NECTIN2: variants seen among roughly 807,000 people sequenced by gnomAD.
NECTIN2 encodes nectin-2.
NECTIN2 carries 23 observed loss-of-function variants against 56.9 expected under a neutral mutation model. The ratio of observed to expected loss-of-function variants is 0.40; its 90% CI spans 0.29 to 0.57. The LOEUF (loss-of-function observed/expected upper bound fraction) is 0.57, where lower values mean the gene tolerates loss of function less well. Among genes scored for constraint, NECTIN2 ranks in the 20% least tolerant of loss-of-function variants. The probability of loss-of-function intolerance (pLI) is 0.38; values close to 1 mark genes in which losing one functional copy is unlikely to be tolerated. For synonymous variants in NECTIN2, 302 were observed against 313.8 expected, an observed-to-expected ratio of 0.96 and a Z score of 0.40; for missense variants, 587 against 718.3, an observed-to-expected ratio of 0.82 and a Z score of 2.09.
At chr19:44,858,367 G>A (rs1210519344) in intron 1 of NECTIN2, among the ~76,000 whole-genome samples, 1 of 152,002 alleles carries the variant, frequency 6.6e-6, no homozygotes, top group African/African-American at 2.4e-5. Flanking sequence ...TTTAAGGTAG[G>A]CAGGGCCTCA....
Position 44,885,979 on chromosome 19 carries a change from G to T in NECTIN2, c.1239G>T (p.Ala413=). The T allele has an allele frequency of 1.9e-6, 3 of 1,603,960 alleles. No homozygotes were observed. Among genetic ancestry groups the T allele is most frequent in the Non-Finnish European group, 2.6e-6 (3 of 1,170,804 alleles). ...PPSYKPPTPK[A]KLEAQEMPSQ... ...CCTACAAGCCACCGACCCCAAAAGC[G>T]AAGCTGGAGGCACAGGAGATGGTGA... Residue 413 remains alanine, a synonymous_variant, in exon 7 of 9, where the codon GCG becomes GCT. Transcript: ENST00000252483.
chr19:44,851,456 G>A (rs1430673985), intron 1 of NECTIN2, among the ~76,000 whole-genome samples: 1 of 152,054 alleles, frequency 6.6e-6, no homozygotes, highest in Non-Finnish European at 1.5e-5. Flanking sequence ...AGGAGTCCAA[G>A]CCCCCAACCT....
chr19:44,879,853 C>G (rs1969288372), intron 5 of NECTIN2, among the ~76,000 whole-genome samples: 1 of 152,208 alleles, frequency 6.6e-6, no homozygotes, highest in African/African-American at 2.4e-5. Flanking sequence ...AGCCCTGTGC[C>G]AGGCAGTGCT....
intron 2 of NECTIN2, among the ~76,000 whole-genome samples, chr19:44,868,981 G>A (rs939776946): frequency 3.3e-5 from 5 of 151,554 alleles, no homozygotes; most frequent in African/African-American, 9.7e-5. Context: ...CAGAAGCCAC[G>A]TCACTCTGGA....
intron 1 of NECTIN2, among the ~76,000 whole-genome samples, chr19:44,858,399 G>A (rs899085256): frequency 6.6e-5 from 10 of 152,108 alleles, no homozygotes; most frequent in African/African-American, 2.4e-4. Context: ...ATGTTGGAGT[G>A]CAGTGGCGAG....
chr19:44,871,384 C>T (rs934959426), intron 2 of NECTIN2, among the ~76,000 whole-genome samples: 3 of 152,118 alleles, frequency 2.0e-5, no homozygotes, highest in South Asian at 4.1e-4. Flanking sequence ...AAAAATTAGC[C>T]GGGCATGGTG....
At chr19:44,861,372 C>T (rs533022843) in intron 1 of NECTIN2, among the ~76,000 whole-genome samples, 2 of 152,282 alleles carry the variant, frequency 1.3e-5, no homozygotes, top group African/African-American at 4.8e-5. Flanking sequence ...CTATCCACAA[C>T]AGCAAAGATA....
Position 44,846,584 on chromosome 19 carries a change from CGCT to C in NECTIN2, c.75_77del (p.Leu27del), listed in dbSNP as rs551542896. 1.6e-4 allele frequency: 245 copies of C among 1,520,232 alleles called. 1 individual carries two copies. The East Asian group carries it at 3.0e-3, about 19-fold the overall frequency. 94.2% of individuals were successfully genotyped at this position (1,520,232 alleles called of 1,614,324 possible). ...TCGCCGCCGACGCCGCTGCTGTGGCCGCTGCTGCTGCTGCTGCTCCTGGAAACC... is the reference window on the plus strand; with the variant it reads ...TCGCCGCCGACGCCGCTGCTGTGGCCGCTGCTGCTGCTGCTCCTGGAAACC... On this transcript the variant is annotated inframe_deletion, in exon 1 of 9. Coordinates refer to ENST00000252483, the MANE Select transcript of NECTIN2 (RefSeq NM_001042724.2).
intron 1 of NECTIN2, among the ~76,000 whole-genome samples, chr19:44,864,615 T>C (rs1238913483): frequency 2.0e-5 from 3 of 152,032 alleles, no homozygotes; most frequent in Non-Finnish European, 4.4e-5. Flanking sequence ...GGTCAGGAGA[T>C]TGAGACCATC....
chr19:44,884,028 G>A (rs1969334746), intron 6 of NECTIN2, among the ~76,000 whole-genome samples: 1 of 151,940 alleles, frequency 6.6e-6, no homozygotes, highest in South Asian at 2.1e-4. Context: ...GCTGAGGTGG[G>A]GGTGGGGGCA....
Position 44,873,942 on chromosome 19 carries a change from TATG to T in NECTIN2, c.807_809del (p.Asp270del), listed in dbSNP as rs752206033. ...CCCTCCTGAAGTGTCCATCTCCGGC[TATG>T]ATGACAACTGGTACCTCGGCCGTAC... On this transcript the variant is annotated inframe_deletion, in exon 4 of 9. Coordinates refer to ENST00000252483, the MANE Select transcript of NECTIN2 (RefSeq NM_001042724.2). 2.5e-6 allele frequency: 4 copies of T among 1,614,042 alleles called. No individual in the cohort carries two copies. Among genetic ancestry groups the T allele is most frequent in the Non-Finnish European group, 3.4e-6 (4 of 1,179,930 alleles).
chr19:44,885,971 CCAAAAG>C lies in NECTIN2; in HGVS notation c.1233_1238del (p.Ala413_Lys414del). ...ACCTCCCTCCTACAAGCCACCGACC[CCAAAAG>C]CGAAGCTGGAGGCACAGGAGATGGT... is the stretch of plus-strand genomic sequence containing the variant. On this transcript the variant is annotated inframe_deletion, in exon 7 of 9. Transcript: ENST00000252483. The C allele has an allele frequency of 6.2e-7, 1 of 1,604,348 alleles. No individual in the cohort carries two copies. Among genetic ancestry groups the C allele is most frequent in the Non-Finnish European group, 8.5e-7 (1 of 1,171,160 alleles).
chr19:44,878,286 T>C, intron 5 of NECTIN2: 1 of 1,298,066 alleles, frequency 7.7e-7, no homozygotes, highest in Non-Finnish European at 1.1e-6. Context: ...GGGGGGACAC[T>C]GCTGGTGCTG....
chr19:44,852,781 G>A (rs1968916245), intron 1 of NECTIN2, among the ~76,000 whole-genome samples: 1 of 152,064 alleles, frequency 6.6e-6, no homozygotes, highest in African/African-American at 2.4e-5. Context: ...TGCTTATGAG[G>A]TGAGAGAGAA....
At chr19:44,886,081 T>A in intron 7 of NECTIN2, 52 bp from the exon 8 acceptor site, 1 of 1,573,072 alleles carries the variant, frequency 6.4e-7, no homozygotes, top group Non-Finnish European at 8.7e-7. Context: ...AGGGAGAAGC[T>A]GGCTGGGTGG....
At position 44,865,172 on chromosome 19, in the gene NECTIN2, C is replaced by G. The variant is rs1969082793; in HGVS notation, c.89-99C>G. On this transcript the variant is annotated intron_variant, in intron 1 of 8. Transcript: ENST00000252483. The surrounding 1 kb of genome is among the most constrained non-coding windows in gnomAD (Gnocchi z 5.2). ...GAAGCTGCCTACGTTGCATGCGGAGCCTGCATTTCCCGTGGGGCCCCCTTC... is the reference window on the plus strand; with the variant it reads ...GAAGCTGCCTACGTTGCATGCGGAGGCTGCATTTCCCGTGGGGCCCCCTTC... 4 of 1,310,938 alleles carry G rather than the reference C, an allele frequency of 3.1e-6. No individual in the cohort carries two copies. The highest frequency in any genetic ancestry group is 1.5e-5 in the South Asian group (1 of 67,548). 81.2% of individuals were successfully genotyped at this position (1,310,938 alleles called of 1,614,324 possible). A position where few individuals can be genotyped will look rare whatever the true frequency, so the allele number is the denominator to read the frequency against.
chr19:44,886,264 G>A, intron 8 of NECTIN2, 45 bp downstream of exon 8: 1 of 1,507,500 alleles, frequency 6.6e-7, no homozygotes, highest in Non-Finnish European at 9.2e-7. Context: ...GGTCTGGGTT[G>A]AAGGGCCAGG....
At chr19:44,882,119 G>A (rs969005238) in intron 5 of NECTIN2, 92 bp from the exon 6 acceptor site, 1 of 1,170,150 alleles carries the variant, frequency 8.5e-7, no homozygotes, top group African/African-American at 1.6e-5. Context: ...GACATAGACA[G>A]GCAGGCGATG....
At chr19:44,882,187 CT>C in intron 5 of NECTIN2, 23 bp from the exon 6 acceptor site, 2 of 1,395,052 alleles carry the variant, frequency 1.4e-6, no homozygotes, top group South Asian at 3.4e-5. Flanking sequence ...TGGAGACCCC[CT>C]CACGCTGTCC....
Sources: allele counts gnomAD v4.1 joint callset (sites outside exome capture counted in the v4.1 genomes callset), GRCh38; gene constraint gnomAD v4.1.1; non-coding constraint Gnocchi (gnomAD v3.1); transcripts MANE v1.5; gene names NCBI Gene and HGNC (gene_info 2026-07-23, HGNC 2026-07-21).